Variants in ANO2 observed in about 807,000 individuals in gnomAD.
ANO2 encodes the protein anoctamin-2.
Under a neutral mutation model 124.2 loss-of-function variants are expected in ANO2, and 101 were observed. That is an observed-to-expected ratio of 0.81 (90% CI 0.69 to 0.96). The LOEUF (loss-of-function observed/expected upper bound fraction) is 0.96, where lower values mean the gene tolerates loss of function less well. Among genes scored for constraint, ANO2 ranks in the 40% least tolerant of loss-of-function variants. ANO2 has a pLI of 0.00. For synonymous variants in ANO2, 486 were observed against 482.5 expected (o/e 1.01, Z -0.09); for missense variants, 1,293 against 1,274.5 (o/e 1.01, Z -0.22).
At chr12:5,664,223 C>G (rs1345702822) in intron 14 of ANO2, among the ~76,000 whole-genome samples, 1 of 152,148 alleles carries the variant, frequency 6.6e-6, no homozygotes, top group African/African-American at 2.4e-5. Context: ...CAAGATTAAT[C>G]ATTCCATCCA....
intron 7 of ANO2, 138 bp downstream of exon 7, chr12:5,827,631 G>T: frequency 9.4e-7 from 1 of 1,059,086 alleles, no homozygotes; most frequent in Non-Finnish European, 1.4e-6. Flanking sequence ...AGGCTTCTCA[G>T]CCCAAGCTAA....
At chr12:5,667,787 G>A (rs1221664375) in intron 14 of ANO2, among the ~76,000 whole-genome samples, 1 of 152,190 alleles carries the variant, frequency 6.6e-6, no homozygotes, top group Non-Finnish European at 1.5e-5. Flanking sequence ...CCACTTATAA[G>A]TGAGAACATG....
intron 3 of ANO2, chr12:5,881,907 C>T (rs937402834): frequency 6.6e-6 from 1 of 152,200 alleles, no homozygotes; most frequent in Non-Finnish European, 1.5e-5. Context: ...CATGCTCATC[C>T]TGGACTGATC....
intron 3 of ANO2, among the ~76,000 whole-genome samples, chr12:5,906,884 A>G (rs1489156342): frequency 1.3e-5 from 2 of 152,236 alleles, no homozygotes; most frequent in Non-Finnish European, 2.9e-5. Context: ...AAAGTCTTCA[A>G]TCCATTCAGC....
At chr12:5,919,754 G>A (rs1216657570) in intron 3 of ANO2, among the ~76,000 whole-genome samples, 7 of 151,756 alleles carry the variant, frequency 4.6e-5, no homozygotes, top group Non-Finnish European at 8.8e-5. Context: ...CTGGAGTGCA[G>A]TGGCGCGATC....
chr12:5,585,674 G>A (rs1943075689), intron 20 of ANO2, among the ~76,000 whole-genome samples: 1 of 152,170 alleles, frequency 6.6e-6, no homozygotes. Flanking sequence ...AGATGGGAGT[G>A]TGAAGGACAA....
chr12:5,779,042 T>G (rs1952309722), intron 10 of ANO2, among the ~76,000 whole-genome samples: 1 of 152,238 alleles, frequency 6.6e-6, no homozygotes, highest in South Asian at 2.1e-4. Flanking sequence ...AGCCAACATT[T>G]CTGATTATTA....
intron 12 of ANO2, chr12:5,740,112 C>G (rs763578466): frequency 7.5e-6 from 3 of 399,406 alleles, no homozygotes; most frequent in Non-Finnish European, 1.5e-5. Flanking sequence ...TAGGAAGAAC[C>G]TGATACCCCC....
intron 4 of ANO2, 83 bp downstream of exon 4, chr12:5,853,954 AACCCAC>A: frequency 1.3e-6 from 1 of 759,346 alleles, no homozygotes; most frequent in Non-Finnish European, 1.9e-6. Flanking sequence ...AATTCCACAA[AACCCAC>A]ATCCCACCTG....
chr12:5,697,269 G>A (rs1420856238), intron 14 of ANO2, among the ~76,000 whole-genome samples: 4 of 151,786 alleles, frequency 2.6e-5, no homozygotes, highest in Non-Finnish European at 5.9e-5. Context: ...TGTCTCTACT[G>A]AAAATACGAA....
chr12:5,917,741 G>C (rs567223698), intron 3 of ANO2, among the ~76,000 whole-genome samples: 1 of 151,706 alleles, frequency 6.6e-6, no homozygotes, highest in East Asian at 1.9e-4. Context: ...CTAATTTTTT[G>C]TATTTTTAGT....
chr12:5,728,795 T>C (rs1346064879), intron 14 of ANO2, among the ~76,000 whole-genome samples: 6 of 152,208 alleles, frequency 3.9e-5, no homozygotes, highest in East Asian at 1.9e-4. Flanking sequence ...AACAGACATA[T>C]AGATCAATGG....
chr12:5,569,640 G>A (rs1403713554), intron 23 of ANO2, among the ~76,000 whole-genome samples: 1 of 152,128 alleles, frequency 6.6e-6, no homozygotes, highest in African/African-American at 2.4e-5. Context: ...GATCTACAGA[G>A]TGGAACTCCC....
chr12:5,806,354 G>T (rs962445301), intron 8 of ANO2, among the ~76,000 whole-genome samples: 5 of 152,216 alleles, frequency 3.3e-5, no homozygotes, highest in Non-Finnish European at 5.9e-5. Flanking sequence ...CCCCCTCGTA[G>T]CAATGCAATG....
At chr12:5,686,557 C>T (rs538671147) in intron 14 of ANO2, among the ~76,000 whole-genome samples, 1 of 152,264 alleles carries the variant, frequency 6.6e-6, no homozygotes, top group Admixed American at 6.5e-5. Context: ...ATTTAAGGAC[C>T]ACAGAAGCAC....
At chr12:5,576,147 G>T in intron 22 of ANO2, 132 bp from the exon 23 acceptor site, 4 of 878,570 alleles carry the variant, frequency 4.6e-6, no homozygotes, top group African/African-American at 1.7e-5. Flanking sequence ...AGGTCCCTGA[G>T]CTCATGCAGC....
At chr12:5,758,349 C>A (rs796557624) in intron 10 of ANO2, among the ~76,000 whole-genome samples, 1 of 152,100 alleles carries the variant, frequency 6.6e-6, no homozygotes, top group East Asian at 1.9e-4. Context: ...TCTAAGAAAC[C>A]GTCATTTCTG....
At chr12:5,612,378 T>C (rs1944584384) in intron 19 of ANO2, among the ~76,000 whole-genome samples, 1 of 152,216 alleles carries the variant, frequency 6.6e-6, no homozygotes, top group Non-Finnish European at 1.5e-5. Flanking sequence ...CATTAAGATA[T>C]TATGCACTCT....
chr12:5,584,737 T>C (rs576838193), intron 20 of ANO2, among the ~76,000 whole-genome samples: 48 of 152,304 alleles, frequency 3.2e-4, no homozygotes, highest in Admixed American at 1.1e-3. Flanking sequence ...GTGTCGATTG[T>C]ACACATAAAT....
Sources: gnomAD v4.1 joint callset for allele counts (sites outside exome capture counted in the v4.1 genomes callset) on GRCh38, gnomAD v4.1.1 for gene constraint, MANE v1.5 for transcripts, NCBI Gene and HGNC (gene_info 2026-07-23, HGNC 2026-07-21) for gene names.